The following MYO18A variants were observed in gnomAD, a reference collection of about 807,000 sequenced individuals.
MYO18A encodes myosin XVIIIA, also known as unconventional myosin-XVIIIa.
A neutral mutation model predicts 235.8 loss-of-function variants in MYO18A; 78 were observed. That is an observed-to-expected ratio of 0.33 (90% CI 0.28 to 0.40). The LOEUF (loss-of-function observed/expected upper bound fraction) is 0.40. Among genes scored for constraint, MYO18A ranks in the 10% least tolerant of loss-of-function variants. The pLI, the probability that MYO18A is intolerant of heterozygous loss-of-function variation, is 1.00. For synonymous variants in MYO18A, 977 were observed against 1,077.8 expected (o/e 0.91, Z 1.83); for missense variants, 2,215 against 2,699.3 (o/e 0.82, Z 3.98).
chr17:29,179,624 T>C (rs2068605741), intron 1 of MYO18A, among the ~76,000 whole-genome samples: 1 of 152,214 alleles, frequency 6.6e-6, no homozygotes, highest in East Asian at 1.9e-4. Context: ...CCCACCCCTC[T>C]GCAGGGAAAG....
chr17:29,148,582 TTG>T (rs10535921), intron 2 of MYO18A, among the ~76,000 whole-genome samples: 45,276 of 148,560 alleles, frequency 0.3, 7,384 homozygotes, highest in East Asian at 0.75. Context: ...CTTTATTCTT[TTG>T]TGTGTGTGTG....
At position 29,124,666 on chromosome 17, in the gene MYO18A, T is replaced by G. The variant is rs565882925; in HGVS notation, c.1000-2413A>C. ...AGAGCACCCTACCTGGCTGTGGGCA[T>G]GAGAGGCGGCCTCAGAGTCCAGCTA... On this transcript the variant is annotated intron_variant, in intron 2 of 41. Coordinates refer to ENST00000527372, the MANE Select transcript of MYO18A (RefSeq NM_078471.4). 1.3e-5 allele frequency: 17 copies of G among 1,284,936 alleles called. 1 individual carries two copies. The East Asian group carries it at 8.4e-4, about 63-fold the overall frequency. 79.6% of individuals were successfully genotyped at this position (1,284,936 alleles called of 1,614,324 possible).
chr17:29,112,003 C>G, intron 15 of MYO18A, 140 bp from the exon 16 acceptor site: 1 of 1,122,492 alleles, frequency 8.9e-7, no homozygotes, highest in East Asian at 2.5e-5. Flanking sequence ...GCTCCTGCCG[C>G]TCACTGCTGA....
At chr17:29,097,066 T>G in intron 27 of MYO18A, 151 bp from the exon 28 acceptor site, 1 of 1,378,340 alleles carries the variant, frequency 7.3e-7, no homozygotes, top group Non-Finnish European at 9.7e-7. Context: ...AATGATAGCT[T>G]GCTCCTGATT....
chr17:29,110,423 G>C lies in MYO18A; in HGVS notation c.3087+13C>G. 6.4e-7 allele frequency: 1 copy of C among 1,570,860 alleles called. No individual in the cohort carries two copies. Among genetic ancestry groups the C allele is most frequent in the Non-Finnish European group, 8.6e-7 (1 of 1,157,854 alleles). ...TCCCCAGGCCTGCCTGCTGGGACCCGGCTGGCACTCACCACCTGTAGCTTC... is the reference window on the plus strand; with the variant it reads ...TCCCCAGGCCTGCCTGCTGGGACCCCGCTGGCACTCACCACCTGTAGCTTC... On this transcript the variant is annotated intron_variant, in intron 18 of 41. Transcript: ENST00000527372.
intron 3 of MYO18A, 63 bp from the exon 4 acceptor site, chr17:29,122,020 C>T: frequency 6.4e-7 from 1 of 1,564,656 alleles, no homozygotes; most frequent in Admixed American, 1.7e-5. Flanking sequence ...CACTTGGGAA[C>T]TTCTCGGTCC....
chr17:29,078,823 G>C (rs1263074685), intron 41 of MYO18A: 1 of 152,354 alleles, frequency 6.6e-6, no homozygotes, highest in Non-Finnish European at 1.5e-5. Context: ...AGCTGGGGGA[G>C]GCAGGAGAGC....
chr17:29,078,676 GT>G (rs897811684), intron 41 of MYO18A: 5 of 152,228 alleles, frequency 3.3e-5, no homozygotes, highest in Admixed American at 1.3e-4. Context: ...CATAAGCAGG[GT>G]GATCTAAAAT....
Position 29,140,189 on chromosome 17 carries a change from C to T in MYO18A, c.1000-17936G>A, listed in dbSNP as rs1053434319. ...GTAACTCCCTTCTTACCAAGAAGCT[C>T]GGAGAGGAGCCCCAAGGCTGCCCCA... On this transcript the variant is annotated intron_variant, in intron 2 of 41. Coordinates refer to ENST00000527372, the MANE Select transcript of MYO18A (RefSeq NM_078471.4). The surrounding 1 kb of genome is among the most constrained non-coding windows in gnomAD (Gnocchi z 4.2). 3.9e-5 allele frequency among the ~76,000 whole-genome samples: 6 copies of T among 152,096 alleles called. No homozygotes were observed. Among genetic ancestry groups the T allele is most frequent in the African/African-American group, 7.2e-5 (3 of 41,400 alleles).
intron 2 of MYO18A, among the ~76,000 whole-genome samples, chr17:29,122,930 C>T (rs1293943266): frequency 2.6e-5 from 4 of 152,254 alleles, no homozygotes; most frequent in Non-Finnish European, 5.9e-5. Flanking sequence ...ACCCCTGTCA[C>T]ACAGACCTAG....
chr17:29,098,620 C>T (rs1428492945), intron 23 of MYO18A, among the ~76,000 whole-genome samples, 175 bp from the exon 24 acceptor site: 1 of 152,172 alleles, frequency 6.6e-6, no homozygotes, highest in Non-Finnish European at 1.5e-5. Flanking sequence ...CTAGACGCTT[C>T]CCAATAAGCT....
chr17:29,099,019 C>G (rs1568060784), intron 22 of MYO18A, 50 bp from the exon 23 acceptor site: 2 of 1,605,278 alleles, frequency 1.2e-6, no homozygotes, highest in African/African-American at 1.3e-5. Flanking sequence ...GTCACCCTGG[C>G]CAAGCTCGGC....
rs1334421997 is a variant in MYO18A, at chr17:29,106,070, G to A, written c.3441+1010C>T. ...AAAGAGAGGTTCTGATGGAGCCAGA[G>A]AGCGGGTGTCCTGAGGGGAAGAGAG... On this transcript the variant is annotated intron_variant, in intron 20 of 41. Transcript: ENST00000527372. The surrounding 1 kb of genome is among the most constrained non-coding windows in gnomAD (Gnocchi z 4.6). 1.3e-5 allele frequency among the ~76,000 whole-genome samples: 2 copies of A among 152,224 alleles called. No individual in the cohort carries two copies. Among genetic ancestry groups the A allele is most frequent in the African/African-American group, 4.8e-5 (2 of 41,454 alleles).
Position 29,118,331 on chromosome 17 carries a change from C to T in MYO18A, c.1893+46G>A, listed in dbSNP as rs760496118. ...ACAGGACCCATGGAGGCTTCTCCTA[C>T]CCCCAAGGCCCAGGGCTGGCAACCC... is the stretch of plus-strand genomic sequence containing the variant. On this transcript the variant is annotated intron_variant, in intron 9 of 41. Coordinates refer to ENST00000527372, the MANE Select transcript of MYO18A (RefSeq NM_078471.4). This position sits in a 1 kb window ranked among gnomAD's most constrained non-coding sequence, Gnocchi z 4.2. The T allele has an allele frequency of 6.3e-6, 10 of 1,580,138 alleles. No individual in the cohort carries two copies. Among genetic ancestry groups the T allele is most frequent in the Non-Finnish European group, 8.6e-6 (10 of 1,156,376 alleles).
At chr17:29,156,682 G>A (rs1053965535) in intron 2 of MYO18A, among the ~76,000 whole-genome samples, 1 of 152,230 alleles carries the variant, frequency 6.6e-6, no homozygotes, top group Non-Finnish European at 1.5e-5. Context: ...CCCTCATGCA[G>A]TGCTCCAGCA....
At chr17:29,142,024 A>G (rs1475694888) in intron 2 of MYO18A, among the ~76,000 whole-genome samples, 2 of 151,958 alleles carry the variant, frequency 1.3e-5, no homozygotes, top group Non-Finnish European at 2.9e-5. Flanking sequence ...GGCTCACTGC[A>G]AGCTCCGCCT....
chr17:29,111,784 C>A lies in MYO18A; in HGVS notation c.2678G>T (p.Ser893Ile). The change falls in exon 16 of 42, where the codon AGT becomes ATT. Residue 893 changes from serine (S) to isoleucine (I), a missense_variant. Transcript: ENST00000527372. The surrounding 1 kb of genome is among the most constrained non-coding windows in gnomAD (Gnocchi z 5.1). ...LEEEALVPGASEDTLLERLFS... is the reference protein window; with the variant it reads ...LEEEALVPGAIEDTLLERLFS... ...AAGGCGCTCCAGGAGGGTGTCCTCA[C>A]TGGCCCCTGGCACCAGAGCCTCCTC... The A allele has an allele frequency of 6.2e-7, 1 of 1,613,856 alleles. No homozygotes were observed. Among genetic ancestry groups the A allele is most frequent in the South Asian group, 1.1e-5 (1 of 91,082 alleles).
In MYO18A at chr17:29,121,864, T is replaced by C; in HGVS notation, c.1181A>G (p.Asp394Gly). The C allele has an allele frequency of 6.2e-7, 1 of 1,613,110 alleles. No homozygotes were observed. The highest frequency in any genetic ancestry group is 1.1e-5 in the South Asian group (1 of 91,052). The change falls in exon 4 of 42, where the codon GAT becomes GGT. Residue 394 changes from aspartate to glycine, a missense_variant. Transcript: ENST00000527372. This position sits in a 1 kb window ranked among gnomAD's most constrained non-coding sequence, Gnocchi z 4.2. ...CTGCCCACCTACCTTCTCAACGTCA[T>C]CCTCATCCACATCCAGGATGGCCCC... is the stretch of plus-strand genomic sequence containing the variant. ...HDGAILDVDE[D>G]DVEKANAPSC...
In MYO18A at chr17:29,117,559, C is replaced by T. The variant is rs901050595; in HGVS notation, c.2038+486G>A. Among the ~76,000 whole-genome samples the T allele has an allele frequency of 6.6e-6, 1 of 152,148 alleles. No individual in the cohort carries two copies. Among genetic ancestry groups the T allele is most frequent in the Non-Finnish European group, 1.5e-5 (1 of 68,018 alleles). ...CTGCAGGCTCCACTTCCACTCTCAA[C>T]CTCCAGGCTTCTCCCCAGACCAGTC... On this transcript the variant is annotated intron_variant, in intron 10 of 41. Transcript: ENST00000527372. This position sits in a 1 kb window ranked among gnomAD's most constrained non-coding sequence, Gnocchi z 4.6.
Sources: allele counts gnomAD v4.1 joint callset (sites outside exome capture counted in the v4.1 genomes callset), GRCh38; gene constraint gnomAD v4.1.1; non-coding constraint Gnocchi (gnomAD v3.1); transcripts MANE v1.5; gene names NCBI Gene and HGNC (gene_info 2026-07-23, HGNC 2026-07-21).